Variants in MAN2A1 observed in about 807,000 individuals in gnomAD.
MAN2A1 encodes the protein mannosidase alpha class 2A member 1.
A neutral mutation model predicts 142.6 loss-of-function variants in MAN2A1; 76 were observed. The ratio of observed to expected loss-of-function variants is 0.53; its 90% CI spans 0.44 to 0.65. The LOEUF is 0.65. MAN2A1 is among the 30% of genes least tolerant of loss of function. The probability of loss-of-function intolerance (pLI) is 0.00; values close to 1 mark genes in which losing one functional copy is unlikely to be tolerated. For synonymous variants in MAN2A1, 559 were observed against 473.2 expected, an observed-to-expected ratio of 1.18 and a Z score of -2.35; for missense variants, 1,311 against 1,365.1, an observed-to-expected ratio of 0.96 and a Z score of 0.62.
At chr5:109,692,854 G>C (rs570285965) in intron 1 of MAN2A1, among the ~76,000 whole-genome samples, 1 of 152,152 alleles carries the variant, frequency 6.6e-6, no homozygotes, top group Non-Finnish European at 1.5e-5. Context: ...TTCCACCTCA[G>C]ATCATCAGGC....
At chr5:109,695,335 T>G (rs187210828) in intron 1 of MAN2A1, among the ~76,000 whole-genome samples, 14 of 152,362 alleles carry the variant, frequency 9.2e-5, no homozygotes, top group Admixed American at 5.9e-4. Context: ...AAGGGGATTT[T>G]CTCTCTTAGC....
intron 1 of MAN2A1, among the ~76,000 whole-genome samples, chr5:109,712,013 A>G (rs541031380): frequency 6.6e-6 from 1 of 151,782 alleles, no homozygotes; most frequent in East Asian, 1.9e-4. Context: ...CTTCTCTAGC[A>G]TCAGGCTGTA....
At chr5:109,767,841 C>T (rs771294985) in intron 6 of MAN2A1, 133 bp downstream of exon 6, 17 of 669,348 alleles carry the variant, frequency 2.5e-5, no homozygotes, top group Non-Finnish European at 3.2e-5. Context: ...TAGTCACTCT[C>T]GTAATTATTT....
Position 109,842,326 on chromosome 5 carries a change from A to G in MAN2A1, c.2567-2A>G. ...AATCCATATATATTTTTTTAAATTT[A>G]GGAATAGAAGGACAGTCTGTGGAAG... On this transcript the variant is annotated splice_acceptor_variant, in intron 16 of 21. Coordinates refer to ENST00000261483, the MANE Select transcript of MAN2A1 (RefSeq NM_002372.4). LOFTEE classifies it high-confidence loss of function. 1 of 1,522,754 alleles carries G rather than the reference A, an allele frequency of 6.6e-7. No individual in the cohort carries two copies. Among genetic ancestry groups the G allele is most frequent in the Non-Finnish European group, 8.9e-7 (1 of 1,126,592 alleles). The allele number at this position is 1,522,754 out of a possible 1,614,324, so 94.3% of individuals were successfully genotyped here. A position where few individuals can be genotyped will look rare whatever the true frequency, so the allele number is the denominator to read the frequency against.
chr5:109,858,049 TG>T (rs1755668354), intron 20 of MAN2A1, among the ~76,000 whole-genome samples: 1 of 152,230 alleles, frequency 6.6e-6, no homozygotes, highest in Non-Finnish European at 1.5e-5. Context: ...TACTCCAACT[TG>T]GTTGCAGATT....
intron 3 of MAN2A1, among the ~76,000 whole-genome samples, chr5:109,726,548 A>G (rs1253102344): frequency 6.6e-6 from 1 of 152,288 alleles, no homozygotes; most frequent in African/African-American, 2.4e-5. Flanking sequence ...TGTCTTTACC[A>G]TATTTTCCTC....
In MAN2A1 at chr5:109,752,188, G is replaced by A. The variant is rs189401308; in HGVS notation, c.708-3141G>A. 2.1e-4 allele frequency among the ~76,000 whole-genome samples: 32 copies of A among 151,858 alleles called. No individual in the cohort carries two copies. In the East Asian group the frequency reaches 4.3e-3, roughly 20 times the overall value. Reference sequence around the variant, plus strand: ...GATACTTTTTCATGTGATGTCTCCCGTCTTCCTCCTCCTCCATATTTCATA... The same window carrying A: ...GATACTTTTTCATGTGATGTCTCCCATCTTCCTCCTCCTCCATATTTCATA... On this transcript the variant is annotated intron_variant, in intron 4 of 21. Transcript: ENST00000261483.
At chr5:109,701,063 A>AG (rs1426622463) in intron 1 of MAN2A1, among the ~76,000 whole-genome samples, 1 of 152,204 alleles carries the variant, frequency 6.6e-6, no homozygotes, top group African/African-American at 2.4e-5. Context: ...TTACCAATGG[A>AG]CAGAGATTTG....
intron 16 of MAN2A1, among the ~76,000 whole-genome samples, chr5:109,834,560 C>T (rs376445761): frequency 6.2e-4 from 95 of 152,190 alleles, no homozygotes; most frequent in African/African-American, 2.2e-3. Context: ...ATCAAAATGC[C>T]ATACCTTTCC....
chr5:109,797,218 C>T (rs1234222035), intron 12 of MAN2A1, among the ~76,000 whole-genome samples: 4 of 151,862 alleles, frequency 2.6e-5, no homozygotes, highest in South Asian at 4.2e-4. Flanking sequence ...GTGTAGCTTA[C>T]TTATTAAAAT....
intron 20 of MAN2A1, among the ~76,000 whole-genome samples, chr5:109,861,031 G>A (rs1755742449): frequency 6.6e-6 from 1 of 152,126 alleles, no homozygotes; most frequent in Admixed American, 6.6e-5. Flanking sequence ...TGCAAAGGTA[G>A]GAGAAGGAAG....
chr5:109,758,562 A>G (rs1408584384), intron 5 of MAN2A1, among the ~76,000 whole-genome samples: 2 of 151,332 alleles, frequency 1.3e-5, no homozygotes, highest in Non-Finnish European at 3.0e-5. Context: ...ATGCCATAGT[A>G]AGAAACTGTT....
At chr5:109,797,034 G>T (rs1753882436) in intron 12 of MAN2A1, among the ~76,000 whole-genome samples, 1 of 152,196 alleles carries the variant, frequency 6.6e-6, no homozygotes, top group Admixed American at 6.5e-5. Context: ...CTACGTTAGA[G>T]AAGGACTTCA....
At position 109,690,389 on chromosome 5, in the gene MAN2A1, G is replaced by A. The variant is rs1343529420; in HGVS notation, c.-29G>A. The A allele has an allele frequency of 1.2e-6, 2 of 1,613,686 alleles. No homozygotes were observed. Among genetic ancestry groups the A allele is most frequent in the Non-Finnish European group, 1.7e-6 (2 of 1,179,710 alleles). On this transcript the variant is annotated 5_prime_UTR_variant, in exon 1 of 22. The change creates a new upstream start codon in the 5' untranslated region. Transcript: ENST00000261483. ...GCGCTGTCTCCTTTGGCTGAGGAGA[G>A]TGTCCTGGCCCCGAGTCTATCGAGG...
At position 109,762,783 on chromosome 5, in the gene MAN2A1, A is replaced by C. The variant is rs57043450; in HGVS notation, c.836-4752A>C. Among the ~76,000 whole-genome samples the C allele has an allele frequency of 6.4e-3, 979 of 152,330 alleles. 15 individuals carry two copies. The highest frequency in any genetic ancestry group is 0.022 in the African/African-American group (914 of 41,572). ...ATAGTGAACACACTTAACAACACTT[A>C]CAACATCATAAAACTGTTCAGTTTT... is the stretch of plus-strand genomic sequence containing the variant. On this transcript the variant is annotated intron_variant, in intron 5 of 21. Transcript: ENST00000261483.
chr5:109,856,876 A>G (rs975274131), intron 20 of MAN2A1, among the ~76,000 whole-genome samples: 1 of 152,208 alleles, frequency 6.6e-6, no homozygotes, highest in Non-Finnish European at 1.5e-5. Context: ...GCCATAAAAC[A>G]CACAAATGCC....
chr5:109,751,034 A>G (rs1752530640), intron 4 of MAN2A1, among the ~76,000 whole-genome samples: 1 of 152,062 alleles, frequency 6.6e-6, no homozygotes, highest in Non-Finnish European at 1.5e-5. Flanking sequence ...GTTGTTAACT[A>G]TAGTCACCCT....
intron 8 of MAN2A1, among the ~76,000 whole-genome samples, chr5:109,780,137 A>C (rs750333669): frequency 3.9e-5 from 6 of 152,138 alleles, no homozygotes; most frequent in Non-Finnish European, 5.9e-5. Context: ...TGCTCACTGC[A>C]AGGTCGGCCT....
intron 18 of MAN2A1, 48 bp downstream of exon 18, chr5:109,846,054 A>G (rs532448892): frequency 6.6e-6 from 10 of 1,515,218 alleles, no homozygotes; most frequent in Admixed American, 6.0e-5. Flanking sequence ...TTCAATTCCA[A>G]CTGTATACTT....
Sources: allele counts gnomAD v4.1 joint callset (sites outside exome capture counted in the v4.1 genomes callset), GRCh38; gene constraint gnomAD v4.1.1; transcripts MANE v1.5; gene names NCBI Gene and HGNC (gene_info 2026-07-23, HGNC 2026-07-21).